MAOA: variants seen among roughly 807,000 people sequenced by gnomAD.
MAOA encodes the protein monoamine oxidase A, also known as amine oxidase [flavin-containing] A.
In MAOA, 6 loss-of-function variants were observed where a neutral mutation model predicts 42.0. That is an observed-to-expected ratio of 0.14 (90% CI 0.08 to 0.28). The LOEUF (loss-of-function observed/expected upper bound fraction) is 0.28, where lower values mean the gene tolerates loss of function less well. MAOA is among the 10% of genes least tolerant of loss of function. MAOA has a pLI of 1.00. For synonymous variants in MAOA, 140 were observed against 154.0 expected (o/e 0.91, Z 0.67); for missense variants, 262 against 422.3 (o/e 0.62, Z 3.33).
intron 1 of MAOA, among the ~76,000 whole-genome samples, chrX:43,680,167 T>C (rs2033431511): frequency 8.9e-6 from 1 of 111,907 alleles, no homozygotes; most frequent in Admixed American, 9.5e-5. Flanking sequence ...CTGGATATTA[T>C]GGTTTAGACT....
At chrX:43,683,423 T>C (rs993286888) in intron 1 of MAOA, 90 bp from the exon 2 acceptor site, 1 of 646,885 alleles carries the variant, frequency 1.5e-6, no homozygotes, top group Non-Finnish European at 2.6e-6. Context: ...TTGTATATGA[T>C]ACCCTGCATT....
intron 5 of MAOA, among the ~76,000 whole-genome samples, chrX:43,724,016 C>G (rs1240649779): frequency 9.0e-6 from 1 of 110,872 alleles, no homozygotes; most frequent in Admixed American, 9.6e-5. Context: ...AGCCTTGCAT[C>G]CCAGGAAGGA....
At chrX:43,694,236 C>A (rs904011558) in intron 3 of MAOA, among the ~76,000 whole-genome samples, 2 of 111,537 alleles carry the variant, frequency 1.8e-5, no homozygotes, top group African/African-American at 6.5e-5. Context: ...ACACCAATAA[C>A]CACATCATTT....
chrX:43,693,208 A>C (rs1384810066), intron 2 of MAOA, 83 bp from the exon 3 acceptor site: 1 of 1,009,644 alleles, frequency 9.9e-7, no homozygotes, highest in Non-Finnish European at 1.4e-6. Flanking sequence ...CTTTTAAAAA[A>C]ATAAATGGGG....
intron 3 of MAOA, among the ~76,000 whole-genome samples, chrX:43,696,907 A>G (rs2033584322): frequency 8.9e-6 from 1 of 112,100 alleles, no homozygotes; most frequent in Admixed American, 9.4e-5. Context: ...TAAAACACAT[A>G]CCGTGCCTAC....
Position 43,736,253 on chromosome X carries a change from G to T in MAOA, c.1079G>T (p.Arg360Leu). The T allele has an allele frequency of 8.4e-7, 1 of 1,194,012 alleles. No individual in the cohort carries two copies. ...TTCATTCTTGCCCGGAAAGCTGATCGACTTGCTAAGCTACATAAGGAAATA... is the reference window on the plus strand; with the variant it reads ...TTCATTCTTGCCCGGAAAGCTGATCTACTTGCTAAGCTACATAAGGAAATA... Reference protein sequence around the residue: ...MGFILARKADRLAKLHKEIRK... With the variant: ...MGFILARKADLLAKLHKEIRK... The change falls in exon 10 of 15, where the codon CGA (arginine) becomes CTA (leucine). Residue 360 changes from arginine (R) to leucine (L), a missense_variant. Around this residue, in one of 3 missense-constraint regions of MAOA, gnomAD observed 86 missense variants for 190.3 expected, o/e 0.45. Coordinates refer to ENST00000338702, the MANE Select transcript of MAOA (RefSeq NM_000240.4).
chrX:43,730,617 G>A (rs979432634), intron 6 of MAOA, among the ~76,000 whole-genome samples: 6 of 105,612 alleles, frequency 5.7e-5, no homozygotes, highest in Admixed American at 1.0e-4. Flanking sequence ...TCAGCCTCCC[G>A]AATAGCTGGG....
chrX:43,743,767 CTG>C, intron 12 of MAOA, 25 bp from the exon 13 acceptor site: 2 of 1,164,985 alleles, frequency 1.7e-6, no homozygotes, highest in Non-Finnish European at 2.3e-6. Context: ...CCAAGTAACT[CTG>C]TGTAACCTCT....
At chrX:43,680,324 A>G (rs1569191828) in intron 1 of MAOA, among the ~76,000 whole-genome samples, 1 of 111,380 alleles carries the variant, frequency 9.0e-6, no homozygotes, top group Non-Finnish European at 1.9e-5. Context: ...TAAAAGATTT[A>G]TTGTGGGAAA....
At chrX:43,682,495 A>G (rs571341462) in intron 1 of MAOA, among the ~76,000 whole-genome samples, 2 of 112,188 alleles carry the variant, frequency 1.8e-5, no homozygotes, top group East Asian at 5.6e-4. Context: ...AATAAATGAC[A>G]TAGTGTTGGA....
At chrX:43,743,768 T>G in intron 12 of MAOA, 26 bp from the exon 13 acceptor site, 1 of 1,165,555 alleles carries the variant, frequency 8.6e-7, no homozygotes, top group Non-Finnish European at 1.1e-6. Context: ...CAAGTAACTC[T>G]GTGTAACCTC....
intron 5 of MAOA, among the ~76,000 whole-genome samples, chrX:43,716,618 C>T (rs749857495): frequency 6.4e-5 from 7 of 110,049 alleles, no homozygotes; most frequent in Non-Finnish European, 1.3e-4. Flanking sequence ...GAATGAGCCA[C>T]GGTGACAGTG....
intron 3 of MAOA, among the ~76,000 whole-genome samples, chrX:43,708,656 CTTG>C (rs1362274051): frequency 9.8e-6 from 1 of 102,559 alleles, no homozygotes; most frequent in Admixed American, 1.0e-4. Context: ...TTATGGTCTT[CTTG>C]TTGTTTTTTT....
rs10560402 is a variant in MAOA at position 43,657,084 on chromosome X, C to CTGTGTGTG, written c.73+700_73+707dup. 1.2e-3 allele frequency among the ~76,000 whole-genome samples: 84 copies of CTGTGTGTG among 71,206 alleles called. 2 individuals are homozygous for CTGTGTGTG. Among genetic ancestry groups the CTGTGTGTG allele is most frequent in the African/African-American group, 4.1e-3 (72 of 17,486 alleles). 61.8% of individuals were successfully genotyped at this position (71,206 alleles called of 115,157 possible). A position where few individuals can be genotyped will look rare whatever the true frequency, so the allele number is the denominator to read the frequency against. ...GAGGGGGTGAGCTCTTAAACTATTC[C>CTGTGTGTG]TGTGTGTGTGTGTGTGTGTGTGTGT... On this transcript the variant is annotated intron_variant, in intron 1 of 14. Transcript: ENST00000338702.
intron 9 of MAOA, among the ~76,000 whole-genome samples, chrX:43,734,351 G>A (rs761223155): frequency 1.6e-4 from 18 of 110,874 alleles, no homozygotes; most frequent in Admixed American, 2.9e-4. Flanking sequence ...TTAACTTGGC[G>A]ATGTAGTCTT....
At chrX:43,728,668 G>C (rs1021276063) in intron 6 of MAOA, among the ~76,000 whole-genome samples, 4 of 112,452 alleles carry the variant, frequency 3.6e-5, no homozygotes, top group African/African-American at 1.3e-4. Context: ...AATCATCTCT[G>C]TTCTAGACAC....
At position 43,700,602 on chromosome X, in the gene MAOA, C is replaced by T. The variant is rs185534849; in HGVS notation, c.306+7174C>T. The stretch of plus-strand genomic sequence containing the variant: ...CAGTGAGCACCTGGCAGCTAAACAG[C>T]CCCCAGTGTGTCCCAGTTAGGCTCA... On this transcript the variant is annotated intron_variant, in intron 3 of 14. Transcript: ENST00000338702. 4.6e-3 allele frequency among the ~76,000 whole-genome samples: 519 copies of T among 111,897 alleles called. 2 individuals carry two copies. Among genetic ancestry groups the T allele is most frequent in the Non-Finnish European group, 7.5e-3 (398 of 53,203 alleles).
intron 1 of MAOA, among the ~76,000 whole-genome samples, chrX:43,667,128 T>A (rs2033288759): frequency 1.8e-5 from 2 of 110,399 alleles, no homozygotes; most frequent in African/African-American, 6.6e-5. Flanking sequence ...ACCCTAGAAC[T>A]TAAAGTATAT....
chrX:43,739,023 A>G (rs1031550741), intron 10 of MAOA, among the ~76,000 whole-genome samples: 1 of 111,577 alleles, frequency 9.0e-6, no homozygotes, highest in African/African-American at 3.3e-5. Context: ...ACAAATATTT[A>G]TTGAGTACCT....
Sources: gnomAD v4.1 joint callset for allele counts (sites outside exome capture counted in the v4.1 genomes callset) on GRCh38, gnomAD v4.1.1 for gene constraint, gnomAD v4.1.1 regional missense constraint, MANE v1.5 for transcripts, NCBI Gene and HGNC (gene_info 2026-07-23, HGNC 2026-07-21) for gene names.